MAMDC4: variants seen among roughly 807,000 people sequenced by gnomAD.
The protein encoded by MAMDC4 is apical endosomal glycoprotein.
In MAMDC4, 168 loss-of-function variants were observed where a neutral mutation model predicts 153.3. The observed-to-expected ratio is 1.10, with a 90% confidence interval of 0.97 to 1.25. The LOEUF (loss-of-function observed/expected upper bound fraction) is 1.25, where lower values mean the gene tolerates loss of function less well. MAMDC4 is among the 50% of genes most tolerant of loss of function. The pLI, the probability that MAMDC4 is intolerant of heterozygous loss-of-function variation, is 0.00. For missense variants in MAMDC4, 1,701 were observed against 1,542.8 expected (o/e 1.10, Z -1.72); for synonymous variants, 744 against 651.5 (o/e 1.14, Z -2.16).
intron 1 of MAMDC4, 143 bp from the exon 2 acceptor site, chr9:136,852,959 C>T (rs994802682): frequency 2.9e-6 from 2 of 687,072 alleles, no homozygotes; most frequent in Non-Finnish European, 4.9e-6. Context: ...CTCTGTGGGT[C>T]CCAGCCCCTC....
In MAMDC4 at chr9:136,858,190, T is replaced by C. The variant is rs376175438; in HGVS notation, c.2588T>C (p.Val863Ala). ...GCCCTGCCCTGCACCCGCCAGGTGGTGTTTGAGGCAGTGGCCGCAGGCGTG... is the reference window on the plus strand; with the variant it reads ...GCCCTGCCCTGCACCCGCCAGGTGGCGTTTGAGGCAGTGGCCGCAGGCGTG... ...DVQAERAWRV[V>A]FEAVAAGVAH... is the part of the protein sequence containing the mutation. Residue 863 changes from valine to alanine, a missense_variant, in exon 21 of 27, where the codon GTG becomes GCG. By Grantham distance (64) the Val-to-Ala change is moderately conservative. Transcript: ENST00000317446. 7 of 1,525,592 alleles carry C rather than the reference T, an allele frequency of 4.6e-6. No individual in the cohort carries two copies. Among genetic ancestry groups the C allele is most frequent in the Non-Finnish European group, 6.2e-6 (7 of 1,136,068 alleles). 94.5% of individuals were successfully genotyped at this position (1,525,592 alleles called of 1,614,324 possible). A position where few individuals can be genotyped will look rare whatever the true frequency, so the allele number is the denominator to read the frequency against.
chr9:136,856,064 G>T lies in MAMDC4; in HGVS notation c.1635G>T (p.Glu545Asp). 1 of 1,612,456 alleles carries T rather than the reference G, an allele frequency of 6.2e-7. No individual in the cohort carries two copies. Among genetic ancestry groups the T allele is most frequent in the Non-Finnish European group, 8.5e-7 (1 of 1,179,876 alleles). ...GGGCCTGGGGGCAGCTAGGCGCTGA[G>T]GCCCGGGTCCTCACACCCCTCCTTG... ...LQRAWGQLGA[E>D]ARVLTPLLGP... Residue 545 changes from glutamate to aspartate, a missense_variant, in exon 14 of 27, where the codon GAG (glutamate) becomes GAT (aspartate). Transcript: ENST00000317446.
Position 136,855,579 on chromosome 9 carries a change from C to T in MAMDC4, c.1431C>T (p.Phe477=), listed in dbSNP as rs777011176. 18 of 1,590,322 alleles carry T rather than the reference C, an allele frequency of 1.1e-5. No homozygotes were observed. Among genetic ancestry groups the T allele is most frequent in the Middle Eastern group, 1.7e-4 (1 of 6,056 alleles). ...LCVPPEQLCD[F]EEQCAGGEDE... ...TGCCCCCGGAACAACTGTGTGACTT[C>T]GAGGAGCAGTGCGCAGGGGGCGAGG... The change falls in exon 12 of 27, where the codon TTC becomes TTT. Residue 477 remains phenylalanine (F), a synonymous_variant. Transcript: ENST00000317446.
In MAMDC4 at chr9:136,856,046, G is replaced by C. The variant is rs756972091; in HGVS notation, c.1617G>C (p.Trp539Cys). The change falls in exon 14 of 27, where the codon TGG becomes TGC. Residue 539 changes from tryptophan (W) to cysteine (C), a missense_variant. By Grantham distance (215) the Trp-to-Cys change is radical. Coordinates refer to ENST00000317446, the MANE Select transcript of MAMDC4 (RefSeq NM_206920.3). ...AGHFLSLQRA[W>C]GQLGAEARVL... ...ACTTCCTGTCTCTGCAGCGGGCCTG[G>C]GGGCAGCTAGGCGCTGAGGCCCGGG... 9.3e-6 allele frequency: 15 copies of C among 1,612,236 alleles called. No individual in the cohort carries two copies. Among genetic ancestry groups the C allele is most frequent in the Non-Finnish European group, 1.3e-5 (15 of 1,179,782 alleles).
Position 136,854,994 on chromosome 9 carries a change from CAG to C in MAMDC4, c.1083_1084del (p.Gln361HisfsTer30). 1 of 1,603,898 alleles carries C rather than the reference CAG, an allele frequency of 6.2e-7. No homozygotes were observed. Among genetic ancestry groups the C allele is most frequent in the Non-Finnish European group, 8.5e-7 (1 of 1,176,928 alleles). ...SEAGCLQLFLQTLGPGAPRAP... is the reference protein window; with the variant it reads ...SEAGCLQLFLXTLGPGAPRAP... ...GGCTGGCTGCCTCCAGCTGTTCCTG[CAG>C]ACTCTGGGGCCCGGCGCCCCCCGGG... On this transcript the variant is annotated frameshift_variant, in exon 10 of 27. Coordinates refer to ENST00000317446, the MANE Select transcript of MAMDC4 (RefSeq NM_206920.3). LOFTEE classifies it high-confidence loss of function.
rs1321759736 is a variant in MAMDC4, at chr9:136,855,112, T to C, written c.1197+2T>C. 6.4e-7 allele frequency: 1 copy of C among 1,569,854 alleles called. No individual in the cohort carries two copies. The highest frequency in any genetic ancestry group is 1.9e-5 in the Admixed American group (1 of 52,816). On this transcript the variant is annotated splice_donor_variant, in intron 10 of 26. Coordinates refer to ENST00000317446, the MANE Select transcript of MAMDC4 (RefSeq NM_206920.3). LOFTEE classifies it high-confidence loss of function. ...ATCCAGAGCGCCTACCCCTTCCAGG[T>C]AGGGAACAGCAAGAGGGTGGGGTCT...
intron 22 of MAMDC4, 79 bp from the exon 23 acceptor site, chr9:136,858,640 C>T (rs1208031338): frequency 2.5e-6 from 4 of 1,596,414 alleles, no homozygotes; most frequent in Non-Finnish European, 3.4e-6. Context: ...CAGAGGAGGC[C>T]CTGCTCACCG....
intron 1 of MAMDC4, 78 bp downstream of exon 1, chr9:136,852,540 G>A (rs10123375): frequency 0.74 from 1,148,217 of 1,542,804 alleles, 429,285 homozygotes; most frequent in East Asian, 0.88. Context: ...GGCAGTGACG[G>A]ACACCAGGGC....
At chr9:136,856,677 A>G (rs1186535436) in intron 14 of MAMDC4, 33 bp from the exon 15 acceptor site, 4 of 1,597,708 alleles carry the variant, frequency 2.5e-6, no homozygotes, top group South Asian at 1.1e-5. Flanking sequence ...GGGAGGGGAG[A>G]AGGTGTGTGA....
chr9:136,858,943 CCTGGTTAGGCGTG>C, intron 23 of MAMDC4, 49 bp from the exon 24 acceptor site: 1 of 1,524,578 alleles, frequency 6.6e-7, no homozygotes, highest in Non-Finnish European at 8.8e-7. Context: ...CCAGCCCGCC[CCTGGTTAGGCGTG>C]CAGGAGCCCC....
intron 11 of MAMDC4, 22 bp from the exon 12 acceptor site, chr9:136,855,409 G>A (rs1037001271): frequency 5.6e-6 from 9 of 1,604,724 alleles, no homozygotes; most frequent in Admixed American, 3.4e-5. Flanking sequence ...CCTGCCTCCT[G>A]ACACCAGTTC....
chr9:136,859,605 T>A (rs749439008), intron 25 of MAMDC4: 2 of 594,070 alleles, frequency 3.4e-6, no homozygotes, highest in Admixed American at 6.2e-5. Flanking sequence ...AGGTCCATCC[T>A]GGAGGAACCG....
rs367651660 is a variant in MAMDC4 at position 136,855,337 on chromosome 9, G to T, written c.1281G>T (p.Ser427=). Residue 427 remains serine, a splice_region_variant and synonymous_variant, in exon 11 of 27, where the codon TCG becomes TCT. Transcript: ENST00000317446. ...TGTCTGACCACTGCAGACCAGTCTCGGGTGAGCCTGCTGACTCTGCCCTAC... is the reference window on the plus strand; with the variant it reads ...TGTCTGACCACTGCAGACCAGTCTCTGGTGAGCCTGCTGACTCTGCCCTAC... The part of the protein sequence containing the change: ...LILSDHCRPV[S]EVSTLQPLPP... 4 of 1,604,246 alleles carry T rather than the reference G, an allele frequency of 2.5e-6. No individual in the cohort carries two copies. The highest frequency in any genetic ancestry group is 8.5e-7 in the Non-Finnish European group (1 of 1,174,928).
At chr9:136,855,364 C>T in intron 11 of MAMDC4, 26 bp downstream of exon 11, 1 of 1,599,784 alleles carries the variant, frequency 6.3e-7, no homozygotes, top group East Asian at 2.2e-5. Flanking sequence ...CTGCCCTACC[C>T]TGCCTTGCCC....
chr9:136,856,890 C>T lies in MAMDC4; in HGVS notation c.1838-17C>T. The stretch of plus-strand genomic sequence containing the variant: ...AGAGTGGGGCATCTCTGCAGCACAG[C>T]CCCATGCCCCCTGCAGGCCACTTTG... On this transcript the variant is annotated splice_polypyrimidine_tract_variant and intron_variant, in intron 15 of 26. Coordinates refer to ENST00000317446, the MANE Select transcript of MAMDC4 (RefSeq NM_206920.3). The T allele has an allele frequency of 1.2e-6, 2 of 1,610,190 alleles. No individual in the cohort carries two copies. Among genetic ancestry groups the T allele is most frequent in the South Asian group, 1.1e-5 (1 of 91,000 alleles).
At chr9:136,859,762 C>T in intron 25 of MAMDC4, 124 bp from the exon 26 acceptor site, 1 of 1,011,628 alleles carries the variant, frequency 9.9e-7, no homozygotes. Flanking sequence ...TACCCTCTGC[C>T]TTTGAAATAG....
rs563471372 is a variant in MAMDC4 at position 136,854,144 on chromosome 9, C to A, written c.671-67C>A. On this transcript the variant is annotated intron_variant, in intron 6 of 26. Coordinates refer to ENST00000317446, the MANE Select transcript of MAMDC4 (RefSeq NM_206920.3). ...CACCTGCCCACTCCCCTGCTCAGAC[C>A]CTGTCTGCCCCCGAGTGCTCTCCCA... 11 of 1,610,626 alleles carry A rather than the reference C, an allele frequency of 6.8e-6. No homozygotes were observed. The South Asian group carries it at 1.1e-4, about 16-fold the overall frequency.
intron 14 of MAMDC4, 165 bp downstream of exon 14, chr9:136,856,314 T>TG: frequency 8.8e-7 from 1 of 1,133,156 alleles, no homozygotes; most frequent in Non-Finnish European, 1.3e-6. Context: ...TGGCAGGCCC[T>TG]GAGCAGCAGT....
At position 136,855,279 on chromosome 9, in the gene MAMDC4, C is replaced by T. The variant is rs530642450; in HGVS notation, c.1223C>T (p.Pro408Leu). The T allele has an allele frequency of 1.6e-5, 26 of 1,602,494 alleles. No individual in the cohort carries two copies. The highest frequency in any genetic ancestry group is 1.0e-4 in the South Asian group (9 of 89,658). The change falls in exon 11 of 27, where the codon CCG becomes CTG. Residue 408 changes from proline to leucine, a missense_variant. Transcript: ENST00000317446. ...ATCCTCCTGGCCGGGCAGACAGGCC[C>T]GGGGGGCGTCGTGGGTCTGGACGAC... is the stretch of plus-strand genomic sequence containing the variant. ...FQILLAGQTG[P>L]GGVVGLDDLI...
Sources: allele counts gnomAD v4.1 joint callset, GRCh38; gene constraint gnomAD v4.1.1; transcripts MANE v1.5; gene names NCBI Gene and HGNC (gene_info 2026-07-23, HGNC 2026-07-21).